The following SGCZ variants were observed in gnomAD, a reference collection of about 807,000 sequenced individuals.
SGCZ encodes zeta-sarcoglycan.
SGCZ carries 40 observed loss-of-function variants against 41.3 expected under a neutral mutation model. That is an observed-to-expected ratio of 0.97 (90% confidence interval 0.75 to 1.26). SGCZ has a LOEUF of 1.26. Ranked by LOEUF, SGCZ falls within the 50% of genes most tolerant of loss-of-function variation. The probability of loss-of-function intolerance (pLI) is 0.00; values close to 1 mark genes in which losing one functional copy is unlikely to be tolerated. For synonymous variants in SGCZ, 206 were observed against 137.5 expected (o/e 1.50, Z -3.49); for missense variants, 552 against 369.8 (o/e 1.49, Z -4.04).
intron 1 of SGCZ, among the ~76,000 whole-genome samples, chr8:15,134,411 G>T (rs1206093360): frequency 6.6e-6 from 1 of 151,240 alleles, no homozygotes; most frequent in African/African-American, 2.4e-5. Flanking sequence ...TAAGCTATAT[G>T]CCCAAGGGTA....
intron 1 of SGCZ, among the ~76,000 whole-genome samples, chr8:14,960,150 C>T (rs1204246182): frequency 2.6e-5 from 4 of 152,104 alleles, no homozygotes; most frequent in African/African-American, 9.7e-5. Context: ...AGGATTTCAT[C>T]TTATATATCC....
chr8:14,767,630 C>T (rs751478010), intron 1 of SGCZ, among the ~76,000 whole-genome samples: 21 of 152,102 alleles, frequency 1.4e-4, no homozygotes, highest in Middle Eastern at 3.2e-3. Context: ...CTCTTTATTT[C>T]AAACGAAATT....
intron 1 of SGCZ, among the ~76,000 whole-genome samples, chr8:15,108,697 C>A (rs1274200973): frequency 6.6e-6 from 1 of 152,148 alleles, no homozygotes; most frequent in African/African-American, 2.4e-5. Flanking sequence ...AGTGTTCACT[C>A]TATATCGAAG....
intron 1 of SGCZ, among the ~76,000 whole-genome samples, chr8:15,079,078 C>T (rs755702803): frequency 2.0e-5 from 3 of 152,094 alleles, no homozygotes; most frequent in Non-Finnish European, 4.4e-5. Flanking sequence ...CTCCTTCTTC[C>T]TCCCAAATCT....
rs550300164 is a variant in SGCZ, at chr8:14,393,838, G to C, written c.235-69634C>G. On this transcript the variant is annotated intron_variant, in intron 2 of 7. Transcript: ENST00000382080. ...TGCTCAATAAATGCATTGACTTACAGATTCTAATGAACTCTGAACATTCTA... is the reference window on the plus strand; with the variant it reads ...TGCTCAATAAATGCATTGACTTACACATTCTAATGAACTCTGAACATTCTA... Among the ~76,000 whole-genome samples, 9 of 152,234 alleles carry C rather than the reference G, an allele frequency of 5.9e-5. No homozygotes were observed. In the South Asian group the frequency reaches 1.9e-3, roughly 32 times the overall value.
chr8:14,449,111 G>C (rs145526508), intron 2 of SGCZ, among the ~76,000 whole-genome samples: 178 of 152,246 alleles, frequency 1.2e-3, no homozygotes, highest in African/African-American at 4.1e-3. Context: ...TGCAGCCCAG[G>C]CATAGCAAAA....
intron 3 of SGCZ, among the ~76,000 whole-genome samples, chr8:14,266,212 C>T (rs140029784): frequency 5.3e-5 from 8 of 152,168 alleles, no homozygotes; most frequent in African/African-American, 1.9e-4. Flanking sequence ...ATTACCGATT[C>T]ATATAAATTG....
chr8:14,198,281 G>A (rs1401777224), intron 4 of SGCZ, among the ~76,000 whole-genome samples: 1 of 152,170 alleles, frequency 6.6e-6, no homozygotes, highest in African/African-American at 2.4e-5. Context: ...TAGATTAACT[G>A]TCATGGTATT....
intron 1 of SGCZ, among the ~76,000 whole-genome samples, chr8:14,784,375 G>A (rs1457799028): frequency 6.7e-6 from 1 of 149,690 alleles, no homozygotes. Flanking sequence ...GTATATATAT[G>A]CATCTTATAC....
intron 2 of SGCZ, among the ~76,000 whole-genome samples, chr8:14,465,986 G>T (rs547505424): frequency 7.2e-5 from 11 of 151,950 alleles, no homozygotes; most frequent in African/African-American, 2.6e-4. Flanking sequence ...AAAACAAACA[G>T]TAGAGTTATA....
At position 14,512,399 on chromosome 8, in the gene SGCZ, T is replaced by C. The variant is rs1802491664; in HGVS notation, c.234+42333A>G. 2.0e-5 allele frequency among the ~76,000 whole-genome samples: 3 copies of C among 152,162 alleles called. No homozygotes were observed. The South Asian group carries it at 6.2e-4, about 31-fold the overall frequency. ...CTTAGTTTATTTTCCATTGGTATTT[T>C]TCCTCTTCATCCATAGCTCCTTGTG... On this transcript the variant is annotated intron_variant, in intron 2 of 7. Coordinates refer to ENST00000382080, the MANE Select transcript of SGCZ (RefSeq NM_139167.4).
intron 1 of SGCZ, among the ~76,000 whole-genome samples, chr8:14,619,245 C>T (rs1252955391): frequency 1.3e-5 from 2 of 152,132 alleles, no homozygotes; most frequent in Non-Finnish European, 2.9e-5. Flanking sequence ...CAACAACCTT[C>T]ATGCTAAAAA....
intron 1 of SGCZ, among the ~76,000 whole-genome samples, chr8:15,179,488 A>G (rs1215847255): frequency 2.0e-5 from 3 of 152,196 alleles, no homozygotes; most frequent in Admixed American, 6.5e-5. Context: ...TGATCTCAAG[A>G]TGTTCTGATA....
chr8:15,234,908 AT>A (rs1187841557), intron 1 of SGCZ, among the ~76,000 whole-genome samples: 17 of 152,162 alleles, frequency 1.1e-4, no homozygotes, highest in Non-Finnish European at 1.9e-4. Context: ...GCTAAACTAT[AT>A]TTTTATACTT....
At chr8:14,523,666 AC>A (rs1802855865) in intron 2 of SGCZ, among the ~76,000 whole-genome samples, 2 of 152,038 alleles carry the variant, frequency 1.3e-5, no homozygotes, top group Non-Finnish European at 2.9e-5. Flanking sequence ...TGAATTTTCC[AC>A]ATTTTAGATT....
intron 1 of SGCZ, among the ~76,000 whole-genome samples, chr8:14,622,418 C>G (rs969814366): frequency 2.0e-5 from 3 of 152,076 alleles, no homozygotes; most frequent in African/African-American, 7.2e-5. Flanking sequence ...AGGTCTGATT[C>G]CAAGTGTGAT....
intron 1 of SGCZ, among the ~76,000 whole-genome samples, chr8:14,638,708 G>C (rs1012476174): frequency 4.6e-5 from 7 of 151,762 alleles, no homozygotes; most frequent in African/African-American, 9.7e-5. Flanking sequence ...AGATATCTCA[G>C]CTCCTCCACC....
intron 2 of SGCZ, among the ~76,000 whole-genome samples, chr8:14,515,946 G>A (rs974643440): frequency 6.6e-6 from 1 of 151,942 alleles, no homozygotes. Flanking sequence ...GATCCAGTAA[G>A]CAATACCTTG....
At position 14,277,838 on chromosome 8, in the gene SGCZ, C is replaced by T. The variant is rs150781413; in HGVS notation, c.337-40159G>A. ...TTCTTTCCCAAAGAAAGGTAATTGT[C>T]TTAAAATCCCCCCTTTAGGAATGTA... On this transcript the variant is annotated intron_variant, in intron 3 of 7. Transcript: ENST00000382080. Among the ~76,000 whole-genome samples, 778 of 152,082 alleles carry T rather than the reference C, an allele frequency of 5.1e-3. 3 individuals are homozygous for T. The highest frequency in any genetic ancestry group is 9.2e-3 in the Admixed American group (140 of 15,252).
Sources: allele counts gnomAD v4.1 joint callset (sites outside exome capture counted in the v4.1 genomes callset), GRCh38; gene constraint gnomAD v4.1.1; transcripts MANE v1.5; gene names NCBI Gene and HGNC (gene_info 2026-07-23, HGNC 2026-07-21).